Variants in CPPED1 observed in about 807,000 individuals in gnomAD.
CPPED1 encodes calcineurin like phosphoesterase domain containing 1, also known as serine/threonine-protein phosphatase CPPED1.
A neutral mutation model predicts 28.0 loss-of-function variants in CPPED1; 28 were observed. The ratio of observed to expected loss-of-function variants is 1.00; its 90% CI spans 0.74 to 1.37. The LOEUF is 1.37. Among genes scored for constraint, CPPED1 ranks in the 40% most tolerant of loss-of-function variants. The pLI, the probability that CPPED1 is intolerant of heterozygous loss-of-function variation, is 0.00. For missense variants in CPPED1, 504 were observed against 416.5 expected, an observed-to-expected ratio of 1.21 and a Z score of -1.83; for synonymous variants, 198 against 180.2, an observed-to-expected ratio of 1.10 and a Z score of -0.79.
intron 3 of CPPED1, among the ~76,000 whole-genome samples, chr16:12,683,327 T>A (rs999713959): frequency 6.6e-6 from 1 of 152,180 alleles, no homozygotes; most frequent in African/African-American, 2.4e-5. Flanking sequence ...TCTTCCTGCA[T>A]ACATCTCCGG....
intron 2 of CPPED1, among the ~76,000 whole-genome samples, chr16:12,713,426 C>T (rs2080090170): frequency 6.6e-6 from 1 of 152,042 alleles, no homozygotes; most frequent in Non-Finnish European, 1.5e-5. Flanking sequence ...AGTGCAGTGG[C>T]GCAATCTCGG....
intron 2 of CPPED1, among the ~76,000 whole-genome samples, chr16:12,766,279 A>AGAGAGG (rs1301902538): frequency 6.9e-6 from 1 of 144,484 alleles, no homozygotes; most frequent in African/African-American, 2.6e-5. Context: ...AGAGAGAGGG[A>AGAGAGG]GAGAGAGAGA....
chr16:12,800,758 C>G (rs1025540240), intron 1 of CPPED1, among the ~76,000 whole-genome samples: 1 of 151,796 alleles, frequency 6.6e-6, no homozygotes, highest in Admixed American at 6.6e-5. Flanking sequence ...TTCCTTCAGC[C>G]CTCATCCTTC....
intron 3 of CPPED1, among the ~76,000 whole-genome samples, chr16:12,666,453 G>T (rs1410417089): frequency 2.0e-5 from 3 of 152,258 alleles, no homozygotes; most frequent in African/African-American, 7.2e-5. Flanking sequence ...TTTACGGAAG[G>T]AGGCTGAAGA....
intron 2 of CPPED1, among the ~76,000 whole-genome samples, chr16:12,756,935 T>C (rs979722696): frequency 2.0e-5 from 3 of 152,188 alleles, no homozygotes; most frequent in Non-Finnish European, 4.4e-5. Flanking sequence ...TCAACAACTT[T>C]CCACATCTTA....
rs546051434 is a variant in CPPED1 at position 12,730,171 on chromosome 16, T to A, written c.290-25122A>T. ...GCCACCACGGCCAGCTAATTTTTTT[T>A]AAAATTTTTTTGGAGAGAAAGGGTC... On this transcript the variant is annotated intron_variant, in intron 2 of 3. Transcript: ENST00000381774. Among the ~76,000 whole-genome samples the A allele has an allele frequency of 1.3e-3, 199 of 152,234 alleles. 1 individual carries two copies. The highest frequency in any genetic ancestry group is 3.1e-3 in the South Asian group (15 of 4,818).
intron 3 of CPPED1, among the ~76,000 whole-genome samples, chr16:12,698,593 G>A (rs1217230062): frequency 5.9e-5 from 9 of 152,030 alleles, no homozygotes; most frequent in Admixed American, 2.0e-4. Context: ...CACCATGCCC[G>A]GCTAATTTCT....
intron 2 of CPPED1, among the ~76,000 whole-genome samples, chr16:12,721,511 G>A (rs1388918125): frequency 6.6e-6 from 1 of 152,116 alleles, no homozygotes; most frequent in East Asian, 1.9e-4. Flanking sequence ...CCAGCACTTT[G>A]GGAGGCTGAG....
intron 1 of CPPED1, among the ~76,000 whole-genome samples, chr16:12,785,426 C>CTT (rs796796663): frequency 3.0e-4 from 38 of 124,714 alleles, no homozygotes; most frequent in African/African-American, 9.5e-4. Flanking sequence ...AACGTGAATT[C>CTT]TTTTTTTTTT....
chr16:12,694,143 T>C (rs1254085402), intron 3 of CPPED1, among the ~76,000 whole-genome samples: 1 of 151,912 alleles, frequency 6.6e-6, no homozygotes, highest in Non-Finnish European at 1.5e-5. Flanking sequence ...GAGGTGGAGG[T>C]TGCAATGAGC....
At chr16:12,690,224 CAAG>C (rs1204009042) in intron 3 of CPPED1, among the ~76,000 whole-genome samples, 3 of 152,122 alleles carry the variant, frequency 2.0e-5, no homozygotes, top group Non-Finnish European at 4.4e-5. Flanking sequence ...AAGACACCAT[CAAG>C]AAGGCCAAGT....
intron 3 of CPPED1, among the ~76,000 whole-genome samples, chr16:12,688,185 A>C (rs11860665): frequency 0.015 from 2,275 of 151,804 alleles, 51 homozygotes; most frequent in African/African-American, 0.051. Flanking sequence ...TGCACACCAC[A>C]ACACTCACAC....
chr16:12,745,409 T>G (rs1316098414), intron 2 of CPPED1, among the ~76,000 whole-genome samples: 1 of 152,086 alleles, frequency 6.6e-6, no homozygotes, highest in Non-Finnish European at 1.5e-5. Context: ...AGAAAAGACA[T>G]GGAGTCAACC....
intron 1 of CPPED1, among the ~76,000 whole-genome samples, chr16:12,799,880 C>A (rs1466871709): frequency 6.6e-6 from 1 of 152,238 alleles, no homozygotes; most frequent in African/African-American, 2.4e-5. Context: ...GCTGGCCCCA[C>A]TTCTAGATTT....
At chr16:12,722,661 G>C (rs1413845841) in intron 2 of CPPED1, among the ~76,000 whole-genome samples, 3 of 152,170 alleles carry the variant, frequency 2.0e-5, no homozygotes, top group African/African-American at 4.8e-5. Context: ...GGGAGGTCAA[G>C]TCTGCAGTGA....
chr16:12,695,274 TA>T (rs1027693182), intron 3 of CPPED1, among the ~76,000 whole-genome samples: 18 of 152,184 alleles, frequency 1.2e-4, no homozygotes, highest in African/African-American at 2.9e-4. Context: ...TTTATTTACT[TA>T]TTTTTTTGAG....
rs1176749486 is a variant in CPPED1 at position 12,696,735 on chromosome 16, G to A, written c.715+7889C>T. On this transcript the variant is annotated intron_variant, in intron 3 of 3. Transcript: ENST00000381774. Reference sequence around the variant, plus strand: ...TGGGATTACAGGTGTGAGCCGCTGCGCCTGGCCTGACTTGTCTTTTTGATT... The same window carrying A: ...TGGGATTACAGGTGTGAGCCGCTGCACCTGGCCTGACTTGTCTTTTTGATT... 2.6e-5 allele frequency among the ~76,000 whole-genome samples: 4 copies of A among 151,970 alleles called. No individual in the cohort carries two copies. In the East Asian group the frequency reaches 5.8e-4, roughly 22 times the overall value.
rs1398827284 is a variant in CPPED1, at chr16:12,681,440, AAT to A, written c.716-16327_716-16326del. Among the ~76,000 whole-genome samples the A allele has an allele frequency of 3.9e-5, 6 of 152,126 alleles. No individual in the cohort carries two copies. In the South Asian group the frequency reaches 1.0e-3, roughly 26 times the overall value. On this transcript the variant is annotated intron_variant, in intron 3 of 3. Transcript: ENST00000381774. ...CCAACCCCCAGAACTGTAAAAAATCAATCTCTGTTCTTTATAAATTACCCAGG... is the reference window on the plus strand; with the variant it reads ...CCAACCCCCAGAACTGTAAAAAATCACTCTGTTCTTTATAAATTACCCAGG...
Position 12,709,896 on chromosome 16 carries a change from G to C in CPPED1, c.290-4847C>G, listed in dbSNP as rs1427409162. 7.2e-6 allele frequency among the ~76,000 whole-genome samples: 1 copy of C among 137,972 alleles called. No homozygotes were observed. Among genetic ancestry groups the C allele is most frequent in the African/African-American group, 2.9e-5 (1 of 34,898 alleles). The allele number at this position is 137,972 out of a possible 152,430, so 90.5% of individuals were successfully genotyped here. ...AGTCAGGGAAGGAAGGGAAGGAAGGGAAAGACGGGGGGAAGGAAGGGAAGG... is the reference window on the plus strand; with the variant it reads ...AGTCAGGGAAGGAAGGGAAGGAAGGCAAAGACGGGGGGAAGGAAGGGAAGG... On this transcript the variant is annotated intron_variant, in intron 2 of 3. Coordinates refer to ENST00000381774, the MANE Select transcript of CPPED1 (RefSeq NM_018340.3). This position sits in a 1 kb window ranked among gnomAD's most constrained non-coding sequence, Gnocchi z 4.4.
Sources: allele counts gnomAD v4.1 joint callset (sites outside exome capture counted in the v4.1 genomes callset), GRCh38; gene constraint gnomAD v4.1.1; non-coding constraint Gnocchi (gnomAD v3.1); transcripts MANE v1.5; gene names NCBI Gene and HGNC (gene_info 2026-07-23, HGNC 2026-07-21).